The following UNC5C variants were observed in gnomAD, a reference collection of about 807,000 sequenced individuals.
UNC5C encodes the protein netrin receptor UNC5C.
Under a neutral mutation model 99.8 loss-of-function variants are expected in UNC5C, and 47 were observed. That is an observed-to-expected ratio of 0.47 (90% confidence interval 0.37 to 0.60). The LOEUF is 0.60. Ranked by LOEUF, UNC5C falls within the 20% of genes least tolerant of loss-of-function variation. UNC5C has a pLI of 0.00. For synonymous variants in UNC5C, 487 were observed against 452.2 expected, an observed-to-expected ratio of 1.08 and a Z score of -0.98; for missense variants, 1,062 against 1,165.9, an observed-to-expected ratio of 0.91 and a Z score of 1.30.
At chr4:95,171,438 T>A (rs542721363) in intron 14 of UNC5C, among the ~76,000 whole-genome samples, 1 of 145,320 alleles carries the variant, frequency 6.9e-6, no homozygotes, top group African/African-American at 2.5e-5. Flanking sequence ...CCCCTTCCTG[T>A]GTCCATGTGT....
chr4:95,400,515 G>A (rs1036332499), intron 1 of UNC5C, among the ~76,000 whole-genome samples: 1 of 146,720 alleles, frequency 6.8e-6, no homozygotes, highest in Non-Finnish European at 1.5e-5. Flanking sequence ...GCCTCAGCCT[G>A]CCGAGTAGCT....
At chr4:95,217,585 A>C (rs1323099266) in intron 9 of UNC5C, among the ~76,000 whole-genome samples, 2 of 152,248 alleles carry the variant, frequency 1.3e-5, no homozygotes, top group African/African-American at 4.8e-5. Context: ...AAAATATCAT[A>C]TGTTGATCAC....
At chr4:95,190,362 G>GA (rs1737026731) in intron 12 of UNC5C, among the ~76,000 whole-genome samples, 3 of 138,040 alleles carry the variant, frequency 2.2e-5, no homozygotes, top group Admixed American at 7.5e-5. Context: ...AGGCGGGAGG[G>GA]ATAGCATTAG....
At position 95,293,497 on chromosome 4, in the gene UNC5C, T is replaced by C. The variant is rs1741562759; in HGVS notation, c.490+8109A>G. 5.3e-5 allele frequency among the ~76,000 whole-genome samples: 8 copies of C among 151,896 alleles called. No individual in the cohort carries two copies. The South Asian group carries it at 1.7e-3, about 32-fold the overall frequency. On this transcript the variant is annotated intron_variant, in intron 3 of 15. Coordinates refer to ENST00000453304, the MANE Select transcript of UNC5C (RefSeq NM_003728.4). Reference sequence around the variant, plus strand: ...CACACTTGGTTAATTTTTTTTGGCTTTTATTAGAGACAAGGTCTTGCTATG... The same window carrying C: ...CACACTTGGTTAATTTTTTTTGGCTCTTATTAGAGACAAGGTCTTGCTATG...
At chr4:95,384,858 T>A (rs375398721) in intron 1 of UNC5C, among the ~76,000 whole-genome samples, 21 of 152,138 alleles carry the variant, frequency 1.4e-4, no homozygotes, top group African/African-American at 4.8e-4. Context: ...AAAGGCTAAA[T>A]TGAGATTAGA....
intron 4 of UNC5C, among the ~76,000 whole-genome samples, chr4:95,255,577 C>T (rs1739944559): frequency 6.6e-6 from 1 of 152,138 alleles, no homozygotes; most frequent in African/African-American, 2.4e-5. Flanking sequence ...CCATCTGCAC[C>T]CTGTCTCTTA....
chr4:95,525,730 G>C (rs1426643978), intron 1 of UNC5C, among the ~76,000 whole-genome samples: 7 of 151,312 alleles, frequency 4.6e-5, no homozygotes, highest in African/African-American at 1.2e-4. Context: ...TTTGTGTTCT[G>C]TTGTTGTATA....
chr4:95,300,991 G>A (rs902134087), intron 3 of UNC5C, among the ~76,000 whole-genome samples: 3 of 151,860 alleles, frequency 2.0e-5, no homozygotes, highest in African/African-American at 7.3e-5. Context: ...CCAGAGGGGT[G>A]GATACCTCAT....
chr4:95,479,368 G>A (rs1173417438), intron 1 of UNC5C, among the ~76,000 whole-genome samples: 1 of 151,952 alleles, frequency 6.6e-6, no homozygotes, highest in African/African-American at 2.4e-5. Context: ...CCATTGGATA[G>A]ATCCCTGGGC....
intron 1 of UNC5C, among the ~76,000 whole-genome samples, chr4:95,442,796 A>T (rs1432228930): frequency 6.7e-6 from 1 of 148,510 alleles, no homozygotes; most frequent in Non-Finnish European, 1.5e-5. Flanking sequence ...CTAAAAGTCC[A>T]TGCATGAGTG....
At chr4:95,248,472 C>T (rs745613593) in intron 5 of UNC5C, 15 of 447,496 alleles carry the variant, frequency 3.4e-5, no homozygotes, top group African/African-American at 8.1e-5. Flanking sequence ...GTAACTTCCC[C>T]GTGGTCTCAA....
intron 5 of UNC5C, among the ~76,000 whole-genome samples, chr4:95,245,603 C>T (rs115716586): frequency 2.0e-3 from 310 of 152,242 alleles, no homozygotes; most frequent in African/African-American, 7.0e-3. Context: ...AACTTTACAA[C>T]GTTTTAAGGA....
At chr4:95,476,909 C>T (rs1444443931) in intron 1 of UNC5C, among the ~76,000 whole-genome samples, 6 of 152,038 alleles carry the variant, frequency 3.9e-5, no homozygotes, top group Non-Finnish European at 7.4e-5. Flanking sequence ...AGGGTCTGTG[C>T]TCTTTTCCAC....
intron 1 of UNC5C, among the ~76,000 whole-genome samples, chr4:95,426,093 G>A (rs1388888429): frequency 2.6e-5 from 4 of 151,990 alleles, no homozygotes; most frequent in Non-Finnish European, 4.4e-5. Flanking sequence ...AAGGTTTCTG[G>A]CAACCCTGTG....
chr4:95,380,630 A>AAATAC (rs1745043235), intron 1 of UNC5C, among the ~76,000 whole-genome samples: 1 of 152,094 alleles, frequency 6.6e-6, no homozygotes, highest in African/African-American at 2.4e-5. Context: ...AGAAAAGACA[A>AAATAC]AAAACAAAAC....
At chr4:95,419,374 C>G (rs906468599) in intron 1 of UNC5C, among the ~76,000 whole-genome samples, 2 of 152,086 alleles carry the variant, frequency 1.3e-5, no homozygotes, top group Non-Finnish European at 1.5e-5. Context: ...CTCCATTTGC[C>G]TTTTTGCCCA....
intron 1 of UNC5C, among the ~76,000 whole-genome samples, chr4:95,345,218 G>C (rs960307094): frequency 6.6e-6 from 1 of 151,758 alleles, no homozygotes. Flanking sequence ...GTACAAAATA[G>C]ATTTTTCAAT....
intron 12 of UNC5C, among the ~76,000 whole-genome samples, chr4:95,191,251 C>T (rs1419018272): frequency 6.6e-6 from 1 of 152,204 alleles, no homozygotes. Flanking sequence ...CTCTTGTTGT[C>T]TCTCTGCCTG....
chr4:95,430,177 G>C (rs1356232861), intron 1 of UNC5C, among the ~76,000 whole-genome samples: 1 of 152,056 alleles, frequency 6.6e-6, no homozygotes, highest in Non-Finnish European at 1.5e-5. Flanking sequence ...ATAATGATGT[G>C]TCAATGTAGG....
Sources: gnomAD v4.1 joint callset for allele counts (sites outside exome capture counted in the v4.1 genomes callset) on GRCh38, gnomAD v4.1.1 for gene constraint, MANE v1.5 for transcripts, NCBI Gene and HGNC (gene_info 2026-07-23, HGNC 2026-07-21) for gene names.